The following UNC80 variants were observed in gnomAD, a reference collection of about 807,000 sequenced individuals.
UNC80 encodes protein unc-80 homolog.
In UNC80, 164 loss-of-function variants were observed where a neutral mutation model predicts 384.6. The ratio of observed to expected loss-of-function variants is 0.43; its 90% CI spans 0.38 to 0.49. UNC80 has a LOEUF of 0.49. Ranked by LOEUF, UNC80 falls within the 20% of genes least tolerant of loss-of-function variation. The pLI is 0.00. For synonymous variants in UNC80, 1,486 were observed against 1,527.8 expected (o/e 0.97, Z 0.64); for missense variants, 3,330 against 4,143.0 (o/e 0.80, Z 5.39).
intron 22 of UNC80, among the ~76,000 whole-genome samples, chr2:209,869,866 T>C (rs1316900217): frequency 6.6e-6 from 1 of 152,198 alleles, no homozygotes; most frequent in East Asian, 1.9e-4. Context: ...AGTTTTATCC[T>C]GAGAAGTTTT....
intron 61 of UNC80, among the ~76,000 whole-genome samples, chr2:209,986,147 T>C (rs1224439923): frequency 2.0e-5 from 3 of 152,166 alleles, no homozygotes; most frequent in Admixed American, 2.0e-4. Context: ...ATTCACGGTG[T>C]TGGAAGAGAT....
At chr2:209,812,785 T>C (rs1311086000) in intron 7 of UNC80, among the ~76,000 whole-genome samples, 1 of 152,194 alleles carries the variant, frequency 6.6e-6, no homozygotes, top group Non-Finnish European at 1.5e-5. Context: ...ATTCAATTTG[T>C]TGAACCTAAG....
At chr2:209,793,556 G>T (rs769978080) in intron 6 of UNC80, among the ~76,000 whole-genome samples, 164 bp from the exon 7 acceptor site, 1 of 152,162 alleles carries the variant, frequency 6.6e-6, no homozygotes, top group Admixed American at 6.5e-5. Flanking sequence ...TCCCTGAGAT[G>T]AAGTCAAAAT....
intron 4 of UNC80, among the ~76,000 whole-genome samples, chr2:209,785,219 TATTCGTTA>T (rs1195932128): frequency 6.6e-6 from 1 of 152,202 alleles, no homozygotes; most frequent in African/African-American, 2.4e-5. Flanking sequence ...GTCTCAGATG[TATTCGTTA>T]ATCTGTGATC....
chr2:209,860,825 T>C (rs2083292690), intron 22 of UNC80, among the ~76,000 whole-genome samples: 1 of 152,194 alleles, frequency 6.6e-6, no homozygotes, highest in South Asian at 2.1e-4. Flanking sequence ...GAATTGGAGT[T>C]CATTCATGAT....
intron 3 of UNC80, 58 bp from the exon 4 acceptor site, chr2:209,777,200 A>G (rs1025868780): frequency 2.7e-5 from 41 of 1,498,714 alleles, no homozygotes; most frequent in Non-Finnish European, 3.6e-5. Context: ...CATTGTTGAC[A>G]TCTATTGCCC....
rs2093515665 is a variant in UNC80, at chr2:209,998,586, C to T, written c.*2991C>T. ...CTCCTCTCTTCTTTAGCATTATATTCCTTTAGTCAACAAAGAACTTTCTCC... is the reference window on the plus strand; with the variant it reads ...CTCCTCTCTTCTTTAGCATTATATTTCTTTAGTCAACAAAGAACTTTCTCC... On this transcript the variant is annotated 3_prime_UTR_variant, in exon 65 of 65. Transcript: ENST00000673920. 6.6e-6 allele frequency: 1 copy of T among 152,198 alleles called. No homozygotes were observed. Among genetic ancestry groups the T allele is most frequent in the South Asian group, 2.1e-4 (1 of 4,832 alleles). 9.4% of individuals were successfully genotyped at this position (152,198 alleles called of 1,614,324 possible).
At chr2:209,989,225 T>C (rs2093348624) in intron 61 of UNC80, among the ~76,000 whole-genome samples, 1 of 151,646 alleles carries the variant, frequency 6.6e-6, no homozygotes, top group Non-Finnish European at 1.5e-5. Context: ...CTTAGGAGGC[T>C]GAGGCATGAG....
intron 6 of UNC80, among the ~76,000 whole-genome samples, chr2:209,790,222 A>G (rs1049017780): frequency 6.6e-6 from 1 of 152,144 alleles, no homozygotes; most frequent in African/African-American, 2.4e-5. Flanking sequence ...CTACATAGAA[A>G]TCGATACTAC....
chr2:209,832,893 A>G lies in UNC80; in HGVS notation c.2776-1109A>G, dbSNP rs180844204. 6.3e-4 allele frequency among the ~76,000 whole-genome samples: 96 copies of G among 152,192 alleles called. No individual in the cohort carries two copies. In the East Asian group the frequency reaches 0.015, roughly 24 times the overall value. ...CCCCACTTCACAGTGTTGTGTAAAG[A>G]CCCCCAAGTCTTAGGAAGCATCTAG... On this transcript the variant is annotated intron_variant, in intron 16 of 64. Coordinates refer to ENST00000673920, the MANE Select transcript of UNC80 (RefSeq NM_001371986.1).
chr2:209,829,401 T>G, intron 15 of UNC80, 22 bp downstream of exon 15: 1 of 1,550,666 alleles, frequency 6.4e-7, no homozygotes, highest in South Asian at 1.2e-5. Context: ...TGCACCCAAG[T>G]TCTAGGAGAA....
chr2:209,777,712 A>C (rs1313970901), intron 4 of UNC80, among the ~76,000 whole-genome samples, 153 bp downstream of exon 4: 1 of 152,214 alleles, frequency 6.6e-6, no homozygotes, highest in Non-Finnish European at 1.5e-5. Flanking sequence ...AAACTACTGA[A>C]CATTGCTTCA....
At chr2:209,931,470 C>T (rs1167038129) in intron 38 of UNC80, among the ~76,000 whole-genome samples, 1 of 150,426 alleles carries the variant, frequency 6.6e-6, no homozygotes, top group East Asian at 2.0e-4. Context: ...TTTTGCATGG[C>T]AACTGTCTAT....
At chr2:209,815,185 T>C in intron 8 of UNC80, 72 bp from the exon 9 acceptor site, 1 of 1,442,134 alleles carries the variant, frequency 6.9e-7, no homozygotes. Context: ...CTATTAAAAA[T>C]GTGACATTTC....
Position 209,839,501 on chromosome 2 carries a change from G to A in UNC80, c.3250+71G>A. ...CATGTCCTCAGATCAACTCAGTGAT[G>A]CATAGTAGGGCCGAAAAAGAAGACC... is the stretch of plus-strand genomic sequence containing the variant. On this transcript the variant is annotated intron_variant, in intron 19 of 64. Coordinates refer to ENST00000673920, the MANE Select transcript of UNC80 (RefSeq NM_001371986.1). This position sits in a 1 kb window ranked among gnomAD's most constrained non-coding sequence, Gnocchi z 4.1. The A allele has an allele frequency of 6.8e-7, 1 of 1,472,172 alleles. No individual in the cohort carries two copies. 91.2% of individuals were successfully genotyped at this position (1,472,172 alleles called of 1,614,324 possible).
In UNC80 at chr2:209,972,118, C is replaced by T. The variant is rs2092902953; in HGVS notation, c.8257-83C>T. 40 of 1,462,866 alleles carry T rather than the reference C, an allele frequency of 2.7e-5. 1 individual carries two copies. In the South Asian group the frequency reaches 3.3e-4, roughly 12 times the overall value. 90.6% of individuals were successfully genotyped at this position (1,462,866 alleles called of 1,614,324 possible). ...ACAGGAGCAGCCAGCAGGGAGTCAC[C>T]GTCTCCATCATACTGTGTAAAAACA... is the stretch of plus-strand genomic sequence containing the variant. On this transcript the variant is annotated intron_variant, in intron 54 of 64. Coordinates refer to ENST00000673920, the MANE Select transcript of UNC80 (RefSeq NM_001371986.1).
chr2:209,979,781 A>C (rs2093113044), intron 59 of UNC80, among the ~76,000 whole-genome samples: 1 of 152,200 alleles, frequency 6.6e-6, no homozygotes. Flanking sequence ...TTGTGTTGTC[A>C]ATGCCATATG....
chr2:209,881,569 T>A (rs368690666), intron 25 of UNC80, among the ~76,000 whole-genome samples: 2 of 152,300 alleles, frequency 1.3e-5, no homozygotes, highest in South Asian at 2.1e-4. Flanking sequence ...TTGTTATTTC[T>A]GTAGCATTTC....
At chr2:209,959,788 G>A in intron 51 of UNC80, 81 bp downstream of exon 51, 2 of 1,322,984 alleles carry the variant, frequency 1.5e-6, no homozygotes, top group East Asian at 2.5e-5. Context: ...GTTGAGAGTG[G>A]GGGTTCTCCA....
Sources: allele counts gnomAD v4.1 joint callset (sites outside exome capture counted in the v4.1 genomes callset), GRCh38; gene constraint gnomAD v4.1.1; non-coding constraint Gnocchi (gnomAD v3.1); transcripts MANE v1.5; gene names NCBI Gene and HGNC (gene_info 2026-07-23, HGNC 2026-07-21).